Variants in HSD17B12 observed in about 807,000 individuals in gnomAD.
HSD17B12 encodes the protein hydroxysteroid 17-beta dehydrogenase 12.
In HSD17B12, 32 loss-of-function variants were observed where a neutral mutation model predicts 39.3. The ratio of observed to expected loss-of-function variants is 0.81; its 90% confidence interval spans 0.61 to 1.09. The LOEUF is 1.09. Among genes scored for constraint, HSD17B12 ranks in the 50% least tolerant of loss-of-function variants. HSD17B12 has a pLI of 0.00. For missense variants in HSD17B12, 342 were observed against 382.9 expected (o/e 0.89, Z 0.89); for synonymous variants, 150 against 146.7 (o/e 1.02, Z -0.16).
intron 6 of HSD17B12, among the ~76,000 whole-genome samples, chr11:43,818,148 C>T (rs1951147563): frequency 9.2e-5 from 14 of 152,134 alleles, no homozygotes; most frequent in Admixed American, 9.2e-4. Flanking sequence ...ATTTCATCCA[C>T]ACGCTATTTG....
At chr11:43,703,729 T>C (rs540040045) in intron 1 of HSD17B12, among the ~76,000 whole-genome samples, 11 of 152,192 alleles carry the variant, frequency 7.2e-5, no homozygotes, top group African/African-American at 2.4e-4. Context: ...TAGCCACTTA[T>C]GATTCTTAGA....
chr11:43,687,840 C>T (rs1459795454), intron 1 of HSD17B12, among the ~76,000 whole-genome samples: 2 of 152,180 alleles, frequency 1.3e-5, no homozygotes, highest in East Asian at 3.9e-4. Context: ...TATTGCCGGC[C>T]CTCTTTGGGA....
chr11:43,824,799 C>T (rs1451908618), intron 6 of HSD17B12, among the ~76,000 whole-genome samples: 1 of 152,180 alleles, frequency 6.6e-6, no homozygotes, highest in Non-Finnish European at 1.5e-5. Flanking sequence ...AGTTCAAGAC[C>T]AGCCTGGCCA....
chr11:43,816,528 A>AACTTATTT lies in HSD17B12; in HGVS notation c.501+138_501+145dup, dbSNP rs1951124628. On this transcript the variant is annotated intron_variant, in intron 6 of 10. Transcript: ENST00000278353. The stretch of plus-strand genomic sequence containing the variant: ...GTATTCCAGATACAAGTGGTCTATT[A>AACTTATTT]ACTTATTTCTTCAGAAAACATAAAG... 5.2e-6 allele frequency: 3 copies of AACTTATTT among 577,504 alleles called. No homozygotes were observed. In the Admixed American group the frequency reaches 1.5e-4, roughly 28 times the overall value. The allele number at this position is 577,504 out of a possible 1,614,324, so 35.8% of individuals were successfully genotyped here.
chr11:43,701,736 G>A (rs1282606778), intron 1 of HSD17B12, among the ~76,000 whole-genome samples: 3 of 152,152 alleles, frequency 2.0e-5, no homozygotes, highest in Admixed American at 1.3e-4. Flanking sequence ...TTATACCTCT[G>A]TAGTATAATT....
At chr11:43,568,075 T>G in the HSD17B12 span, among the ~76,000 whole-genome samples, 2 of 152,076 alleles carry the variant, frequency 1.3e-5, no homozygotes, top group African/African-American at 2.4e-5. Context: ...GCCCTGTTTG[T>G]TTTTTTATTC....
chr11:43,715,132 ATTGCCC>A, intron 1 of HSD17B12, among the ~76,000 whole-genome samples: 1 of 152,022 alleles, frequency 6.6e-6, no homozygotes, highest in Non-Finnish European at 1.5e-5. Context: ...CTCCTGCTTG[ATTGCCC>A]TCGCCAGAAC....
At chr11:43,690,373 TA>T (rs1949843538) in intron 1 of HSD17B12, among the ~76,000 whole-genome samples, 5 of 14,202 alleles carry the variant, frequency 3.5e-4, no homozygotes, top group South Asian at 7.2e-3. Flanking sequence ...TATATATATA[TA>T]TATATATATA....
At position 43,838,374 on chromosome 11, in the gene HSD17B12, C is replaced by T. The variant is rs764820896; in HGVS notation, c.594C>T (p.Leu198=). The change falls in exon 8 of 11, where the codon CTC becomes CTT. Residue 198 remains leucine (L), a synonymous_variant. Coordinates refer to ENST00000278353, the MANE Select transcript of HSD17B12 (RefSeq NM_016142.3). ...SSGSGMLPVP[L]LTIYSATKTF... ...GCAGTGGCATGCTCCCTGTCCCACTCTTGACCATCTATTCTGCAACCAAGG... is the reference window on the plus strand; with the variant it reads ...GCAGTGGCATGCTCCCTGTCCCACTTTTGACCATCTATTCTGCAACCAAGG... 6.2e-7 allele frequency: 1 copy of T among 1,612,692 alleles called. No individual in the cohort carries two copies. Among genetic ancestry groups the T allele is most frequent in the Non-Finnish European group, 8.5e-7 (1 of 1,178,870 alleles).
At chr11:43,676,766 T>C (rs1357944184), upstream of HSD17B12, among the ~76,000 whole-genome samples, 1 of 152,208 alleles carries the variant, frequency 6.6e-6, no homozygotes, top group Non-Finnish European at 1.5e-5. Flanking sequence ...AGCATAGTGT[T>C]CCCTATAATC....
chr11:43,782,195 A>G (rs760253649), intron 3 of HSD17B12, among the ~76,000 whole-genome samples: 98 of 152,344 alleles, frequency 6.4e-4, no homozygotes, highest in Non-Finnish European at 1.2e-3. Flanking sequence ...GAAGGTCACA[A>G]ATAAAGCTAT....
the HSD17B12 span, among the ~76,000 whole-genome samples, chr11:43,623,574 A>G: frequency 3.3e-5 from 5 of 152,086 alleles, no homozygotes; most frequent in Non-Finnish European, 5.9e-5. Flanking sequence ...AAAGAATTAC[A>G]TTTAAATAGT....
At chr11:43,680,361 C>T (rs541196689), upstream of HSD17B12, among the ~76,000 whole-genome samples, 44 of 152,296 alleles carry the variant, frequency 2.9e-4, no homozygotes, top group African/African-American at 9.4e-4. Context: ...TGTTAGCCAC[C>T]GCGCCCTGCC....
intron 3 of HSD17B12, among the ~76,000 whole-genome samples, chr11:43,783,887 C>G (rs1233280443): frequency 6.6e-6 from 1 of 152,122 alleles, no homozygotes; most frequent in Non-Finnish European, 1.5e-5. Flanking sequence ...CATGTTAACA[C>G]TACACATTTT....
At chr11:43,729,781 A>G (rs1321523458) in intron 1 of HSD17B12, among the ~76,000 whole-genome samples, 3 of 152,232 alleles carry the variant, frequency 2.0e-5, no homozygotes, top group Non-Finnish European at 4.4e-5. Context: ...TGATAAACAG[A>G]AAGTTATTTC....
the HSD17B12 span, among the ~76,000 whole-genome samples, chr11:43,604,307 G>A: frequency 5.3e-5 from 8 of 151,998 alleles, no homozygotes; most frequent in African/African-American, 1.9e-4. Context: ...AAAGTTTTCT[G>A]GGCAAATAAT....
chr11:43,816,048 GA>G (rs1488906321), intron 5 of HSD17B12, among the ~76,000 whole-genome samples: 1 of 152,182 alleles, frequency 6.6e-6, no homozygotes, highest in East Asian at 1.9e-4. Flanking sequence ...CATACTAGCA[GA>G]AAGGAAATTG....
chr11:43,599,206 C>T, the HSD17B12 span, among the ~76,000 whole-genome samples: 4 of 152,168 alleles, frequency 2.6e-5, no homozygotes, highest in African/African-American at 9.7e-5. Context: ...TGGCAGGACT[C>T]GGTGTGATTT....
the HSD17B12 span, among the ~76,000 whole-genome samples, chr11:43,653,877 T>G: frequency 3.3e-5 from 5 of 152,214 alleles, no homozygotes; most frequent in Admixed American, 1.3e-4. Flanking sequence ...GCATGTGTCT[T>G]TATAGCAGCA....
Sources: gnomAD v4.1 joint callset for allele counts (sites outside exome capture counted in the v4.1 genomes callset) on GRCh38, gnomAD v4.1.1 for gene constraint, MANE v1.5 for transcripts, NCBI Gene and HGNC (gene_info 2026-07-23, HGNC 2026-07-21) for gene names.